The following PRKCB variants were observed in gnomAD, a reference collection of about 807,000 sequenced individuals.
PRKCB encodes protein kinase C beta type.
PRKCB carries 13 observed loss-of-function variants against 81.5 expected under a neutral mutation model. The ratio of observed to expected loss-of-function variants is 0.16; its 90% CI spans 0.10 to 0.25. The LOEUF is 0.25. PRKCB is among the 10% of genes least tolerant of loss of function. The pLI is 1.00. For missense variants in PRKCB, 509 were observed against 875.7 expected (o/e 0.58, Z 5.29); for synonymous variants, 335 against 321.4 (o/e 1.04, Z -0.45).
chr16:24,089,058 G>A (rs1053358043), intron 5 of PRKCB, among the ~76,000 whole-genome samples: 2 of 152,182 alleles, frequency 1.3e-5, no homozygotes, highest in Admixed American at 6.5e-5. Flanking sequence ...CAAGATCCCA[G>A]CCTAGAAACT....
intron 10 of PRKCB, among the ~76,000 whole-genome samples, chr16:24,158,892 C>A (rs890004594): frequency 2.0e-5 from 3 of 152,154 alleles, no homozygotes; most frequent in Admixed American, 2.0e-4. Flanking sequence ...ATCTTCTAGG[C>A]TCAAGCAATC....
chr16:23,871,291 A>G (rs1445209384), intron 2 of PRKCB, among the ~76,000 whole-genome samples: 2 of 152,190 alleles, frequency 1.3e-5, no homozygotes, highest in Non-Finnish European at 2.9e-5. Context: ...ATATGAGCCA[A>G]TGGGCTGAAT....
At chr16:24,172,467 C>T (rs1441357423) in intron 11 of PRKCB, 106 bp downstream of exon 11, 1 of 839,468 alleles carries the variant, frequency 1.2e-6, no homozygotes, top group Non-Finnish European at 1.9e-6. Flanking sequence ...ACACCTCGGG[C>T]ATCTTTTTGA....
At position 24,066,349 on chromosome 16, in the gene PRKCB, T is replaced by G. The variant is rs9928732; in HGVS notation, c.530-26442T>G. ...AGTCTGATTTTTCTTAATAATCTGT[T>G]TTTCAGCTCACTGATTTGCCTTCTA... On this transcript the variant is annotated intron_variant, in intron 5 of 16. Transcript: ENST00000643927. 7.7e-3 allele frequency among the ~76,000 whole-genome samples: 1,177 copies of G among 152,312 alleles called. 14 individuals are homozygous for G. The highest frequency in any genetic ancestry group is 0.026 in the African/African-American group (1,082 of 41,556).
intron 3 of PRKCB, among the ~76,000 whole-genome samples, chr16:24,002,243 G>C (rs1478930813): frequency 6.6e-6 from 1 of 152,026 alleles, no homozygotes. Flanking sequence ...CCTCCACCAG[G>C]CTAGCTTAGT....
chr16:23,940,108 C>CA (rs1415990585), intron 2 of PRKCB, among the ~76,000 whole-genome samples: 1 of 152,156 alleles, frequency 6.6e-6, no homozygotes, highest in Non-Finnish European at 1.5e-5. Context: ...TGTTCTACAT[C>CA]ATTGGCTTTT....
At chr16:23,880,261 C>T (rs932426626) in intron 2 of PRKCB, among the ~76,000 whole-genome samples, 3 of 152,128 alleles carry the variant, frequency 2.0e-5, no homozygotes, top group Non-Finnish European at 4.4e-5. Context: ...CTAGTATTAG[C>T]TTAATTATAG....
At chr16:23,924,354 G>C (rs931512635) in intron 2 of PRKCB, among the ~76,000 whole-genome samples, 1 of 151,964 alleles carries the variant, frequency 6.6e-6, no homozygotes, top group Non-Finnish European at 1.5e-5. Flanking sequence ...ACCCAGTCTC[G>C]GGTAGTATCA....
chr16:23,967,012 ATT>A (rs3043607), intron 2 of PRKCB, among the ~76,000 whole-genome samples: 6 of 147,200 alleles, frequency 4.1e-5, no homozygotes, highest in Non-Finnish European at 3.0e-5. Context: ...AGTGGTTTCC[ATT>A]TTTTTTTTTT....
At chr16:24,015,813 TGAC>T (rs1965270640) in intron 3 of PRKCB, among the ~76,000 whole-genome samples, 1 of 152,148 alleles carries the variant, frequency 6.6e-6, no homozygotes, top group African/African-American at 2.4e-5. Flanking sequence ...GAATATTTGG[TGAC>T]TAAATGGTTA....
chr16:24,219,016 C>G lies in PRKCB; in HGVS notation c.*4200C>G. On this transcript the variant is annotated 3_prime_UTR_variant, in exon 17 of 17. Transcript: ENST00000643927. ...ATAGGAGGTGAGGACTCCAGCTCCA[C>G]CTGCCCCAGGTGGGTGTGGTGATGA... 2.0e-6 allele frequency: 2 copies of G among 985,380 alleles called. No homozygotes were observed. The highest frequency in any genetic ancestry group is 2.4e-6 in the Non-Finnish European group (2 of 829,918). 61.0% of individuals were successfully genotyped at this position (985,380 alleles called of 1,614,324 possible).
chr16:23,836,244 A>G lies in PRKCB; in HGVS notation c.69A>G (p.Lys23=). The part of the protein sequence containing the change: ...GEESTVRFAR[K]GALRQKNVHE... Reference sequence around the variant, plus strand: ...AGAGCACCGTGCGCTTCGCCCGCAAAGGCGCCCTCCGGCAGAAGAACGTGC... The same window carrying G: ...AGAGCACCGTGCGCTTCGCCCGCAAGGGCGCCCTCCGGCAGAAGAACGTGC... The change falls in exon 1 of 17, where the codon AAA becomes AAG. Residue 23 remains lysine (K), a synonymous_variant. Coordinates refer to ENST00000643927, the MANE Select transcript of PRKCB (RefSeq NM_002738.7). The G allele has an allele frequency of 1.9e-6, 3 of 1,600,768 alleles. No homozygotes were observed. The highest frequency in any genetic ancestry group is 2.6e-6 in the Non-Finnish European group (3 of 1,174,062).
chr16:24,081,735 G>A (rs7197977), intron 5 of PRKCB, among the ~76,000 whole-genome samples: 4,257 of 152,122 alleles, frequency 0.028, 191 homozygotes, highest in African/African-American at 0.098. Flanking sequence ...TTAGTCGGGC[G>A]TGGTGGCAGA....
chr16:24,039,376 G>A (rs1359648449), intron 5 of PRKCB, among the ~76,000 whole-genome samples: 4 of 151,644 alleles, frequency 2.6e-5, no homozygotes, highest in Non-Finnish European at 4.4e-5. Flanking sequence ...TTACAGGCAC[G>A]TGCCACCATG....
chr16:24,081,949 A>G (rs1966256311), intron 5 of PRKCB, among the ~76,000 whole-genome samples: 1 of 152,198 alleles, frequency 6.6e-6, no homozygotes, highest in African/African-American at 2.4e-5. Context: ...CTATACACAG[A>G]AAACAGTATT....
At position 23,836,201 on chromosome 16, in the gene PRKCB, C is replaced by A. The variant is rs368093414; in HGVS notation, c.26C>A (p.Pro9Gln). ...ATGGCTGACCCGGCTGCGGGGCCGC[C>A]GCCGAGCGAGGGCGAGGAGAGCACC... MADPAAGP[P>Q]PSEGEESTVR... The change falls in exon 1 of 17, where the codon CCG becomes CAG. Residue 9 changes from proline to glutamine, a missense_variant. Pro to Gln is a moderately conservative substitution (Grantham distance 76, BLOSUM62 -1). Transcript: ENST00000643927. 6.4e-6 allele frequency: 10 copies of A among 1,571,452 alleles called. No individual in the cohort carries two copies. The East Asian group carries it at 7.8e-5, about 12-fold the overall frequency.
chr16:23,906,387 G>T (rs988672348), intron 2 of PRKCB, among the ~76,000 whole-genome samples: 1 of 151,694 alleles, frequency 6.6e-6, no homozygotes, highest in South Asian at 2.1e-4. Flanking sequence ...ACCGGTTTTT[G>T]TTTGTGAAAG....
chr16:24,166,881 G>C (rs1298657679), intron 10 of PRKCB, among the ~76,000 whole-genome samples: 1 of 152,054 alleles, frequency 6.6e-6, no homozygotes, highest in Non-Finnish European at 1.5e-5. Context: ...CCTGCATATG[G>C]TTAGCGGTAG....
chr16:24,139,717 A>G (rs1218233903), intron 9 of PRKCB, among the ~76,000 whole-genome samples: 8 of 152,264 alleles, frequency 5.3e-5, no homozygotes, highest in Non-Finnish European at 1.0e-4. Flanking sequence ...ATGAAAAATT[A>G]GCTTATCTAT....
Sources: allele counts gnomAD v4.1 joint callset (sites outside exome capture counted in the v4.1 genomes callset), GRCh38; gene constraint gnomAD v4.1.1; transcripts MANE v1.5; gene names NCBI Gene and HGNC (gene_info 2026-07-23, HGNC 2026-07-21).